ST18: variants seen among roughly 807,000 people sequenced by gnomAD.
The protein encoded by ST18 is suppression of tumorigenicity 18 protein.
A neutral mutation model predicts 110.0 loss-of-function variants in ST18; 50 were observed. The observed-to-expected ratio is 0.45, with a 90% CI of 0.36 to 0.58. The LOEUF (loss-of-function observed/expected upper bound fraction) is 0.58. ST18 is among the 20% of genes least tolerant of loss of function. ST18 has a pLI of 0.00. For synonymous variants in ST18, 461 were observed against 452.4 expected, an observed-to-expected ratio of 1.02 and a Z score of -0.24; for missense variants, 1,306 against 1,280.1, an observed-to-expected ratio of 1.02 and a Z score of -0.31.
In ST18 at chr8:52,221,085, CTCTATCTATCTATCTATCTA is replaced by C. The variant is rs58429982; in HGVS notation, c.-264-257_-264-238del. On this transcript the variant is annotated intron_variant, in intron 4 of 25. Transcript: ENST00000689386. ...TTGTCTTTATTACCAAACTACCTAT[CTCTATCTATCTATCTATCTA>C]TCTATCTATCTATCTATCTATCTAT... Among the ~76,000 whole-genome samples the C allele has an allele frequency of 1.5e-3, 223 of 148,446 alleles. 4 individuals carry two copies. The South Asian group carries it at 0.042, about 28-fold the overall frequency.
chr8:52,349,758 T>C (rs1402835187), intron 2 of ST18, among the ~76,000 whole-genome samples: 1 of 152,038 alleles, frequency 6.6e-6, no homozygotes, highest in African/African-American at 2.4e-5. Flanking sequence ...GATGGCACGC[T>C]CAAGCCGGGT....
intron 8 of ST18, among the ~76,000 whole-genome samples, chr8:52,187,302 C>G (rs2072683841): frequency 6.6e-6 from 1 of 152,136 alleles, no homozygotes. Context: ...GAGGTTGGTA[C>G]TATTATATCT....
chr8:52,357,135 T>C (rs1367086465), intron 2 of ST18, among the ~76,000 whole-genome samples: 1 of 152,160 alleles, frequency 6.6e-6, no homozygotes, highest in Non-Finnish European at 1.5e-5. Context: ...TGAGATATTT[T>C]GATACAAGCT....
At chr8:52,113,462 G>A in intron 25 of ST18, 124 bp from the exon 26 acceptor site, 5 of 1,070,164 alleles carry the variant, frequency 4.7e-6, no homozygotes, top group Non-Finnish European at 6.9e-6. Context: ...GCATATGACT[G>A]CTGGGGTTGC....
intron 2 of ST18, among the ~76,000 whole-genome samples, chr8:52,259,571 GT>G (rs1263289968): frequency 6.6e-6 from 1 of 152,094 alleles, no homozygotes; most frequent in African/African-American, 2.4e-5. Flanking sequence ...ATGATTCCCT[GT>G]TATAATGATG....
intron 8 of ST18, among the ~76,000 whole-genome samples, chr8:52,189,463 G>C (rs1260051951): frequency 6.6e-6 from 1 of 152,220 alleles, no homozygotes; most frequent in African/African-American, 2.4e-5. Flanking sequence ...TTCTAGGATA[G>C]ATACCTTCCA....
At chr8:52,266,382 A>T (rs1564368709) in intron 2 of ST18, among the ~76,000 whole-genome samples, 1 of 152,090 alleles carries the variant, frequency 6.6e-6, no homozygotes, top group African/African-American at 2.4e-5. Context: ...GACACCAGAG[A>T]AGGACAAACT....
At chr8:52,257,275 T>G (rs1298597865) in intron 2 of ST18, among the ~76,000 whole-genome samples, 1 of 152,232 alleles carries the variant, frequency 6.6e-6, no homozygotes, top group Non-Finnish European at 1.5e-5. Flanking sequence ...GACATATGTT[T>G]TTATTTCTCT....
chr8:52,113,431 G>T lies in ST18; in HGVS notation c.3004-93C>A, dbSNP rs567315644. Reference sequence around the variant, plus strand: ...GACATCGAAGATCAGTGATCCGGGAGTCGGGAGGGAAGGCAAGGGTGCATA... The same window carrying T: ...GACATCGAAGATCAGTGATCCGGGATTCGGGAGGGAAGGCAAGGGTGCATA... On this transcript the variant is annotated intron_variant, in intron 25 of 25. Transcript: ENST00000689386. The T allele has an allele frequency of 1.0e-5, 15 of 1,502,408 alleles. No homozygotes were observed. In the South Asian group the frequency reaches 1.7e-4, roughly 17 times the overall value. The allele number at this position is 1,502,408 out of a possible 1,614,324, so 93.1% of individuals were successfully genotyped here.
At chr8:52,353,844 C>T (rs1378491491) in intron 2 of ST18, among the ~76,000 whole-genome samples, 2 of 152,202 alleles carry the variant, frequency 1.3e-5, no homozygotes, top group Non-Finnish European at 2.9e-5. Context: ...TTAAGACTCC[C>T]GGTTGCAGGA....
chr8:52,395,386 G>GGACTT (rs1840738410), intron 2 of ST18, among the ~76,000 whole-genome samples: 1 of 152,198 alleles, frequency 6.6e-6, no homozygotes, highest in African/African-American at 2.4e-5. Context: ...GAGTGGAGTG[G>GGACTT]GACTTGCCAG....
chr8:52,206,896 T>C (rs1002238597), intron 8 of ST18: 1 of 152,178 alleles, frequency 6.6e-6, no homozygotes, highest in Non-Finnish European at 1.5e-5. Flanking sequence ...ACTTCATGAT[T>C]AAAATGATTA....
At chr8:52,405,910 T>G (rs1844316249) in intron 2 of ST18, 1 of 152,164 alleles carries the variant, frequency 6.6e-6, no homozygotes, top group Non-Finnish European at 1.5e-5. Context: ...AGATGACATA[T>G]CATTAATTGT....
chr8:52,169,544 C>T (rs2064088780), intron 10 of ST18, among the ~76,000 whole-genome samples: 1 of 152,130 alleles, frequency 6.6e-6, no homozygotes, highest in African/African-American at 2.4e-5. Context: ...GAGTTTTCTC[C>T]TTAACAGTGA....
intron 2 of ST18, among the ~76,000 whole-genome samples, chr8:52,398,366 G>A (rs1399509883): frequency 1.3e-5 from 2 of 152,152 alleles, no homozygotes; most frequent in Non-Finnish European, 2.9e-5. Flanking sequence ...TCTGCAAATA[G>A]AGATAATTTT....
intron 2 of ST18, among the ~76,000 whole-genome samples, chr8:52,279,813 A>C (rs1162950555): frequency 1.3e-5 from 2 of 152,174 alleles, no homozygotes; most frequent in African/African-American, 4.8e-5. Context: ...AAACAAACAC[A>C]AATTAAAAGA....
chr8:52,390,964 C>T (rs1404112633), intron 2 of ST18, among the ~76,000 whole-genome samples: 1 of 152,202 alleles, frequency 6.6e-6, no homozygotes, highest in African/African-American at 2.4e-5. Context: ...TAACAACAGT[C>T]TATTCATCTT....
At chr8:52,297,661 T>C (rs2095655639) in intron 2 of ST18, among the ~76,000 whole-genome samples, 1 of 152,192 alleles carries the variant, frequency 6.6e-6, no homozygotes, top group South Asian at 2.1e-4. Flanking sequence ...TTATAAAAGC[T>C]ATTAATAAAG....
chr8:52,211,377 A>AATTATTATT (rs3054637), intron 8 of ST18, among the ~76,000 whole-genome samples: 210 of 138,442 alleles, frequency 1.5e-3, no homozygotes, highest in East Asian at 2.5e-3. Flanking sequence ...GGAATCATCT[A>AATTATTATT]ATTATTATTA....
Sources: allele counts gnomAD v4.1 joint callset (sites outside exome capture counted in the v4.1 genomes callset), GRCh38; gene constraint gnomAD v4.1.1; transcripts MANE v1.5; gene names NCBI Gene and HGNC (gene_info 2026-07-23, HGNC 2026-07-21).